Variants in ARPC2 observed in about 807,000 individuals in gnomAD.
ARPC2 encodes actin-related protein 2/3 complex subunit 2.
A neutral mutation model predicts 38.6 loss-of-function variants in ARPC2; 4 were observed. The ratio of observed to expected loss-of-function variants is 0.10; its 90% CI spans 0.05 to 0.24. The LOEUF is 0.24. Among genes scored for constraint, ARPC2 ranks in the 10% least tolerant of loss-of-function variants. The pLI is 1.00. For synonymous variants in ARPC2, 125 were observed against 140.8 expected (o/e 0.89, Z 0.79); for missense variants, 229 against 387.3 (o/e 0.59, Z 3.43).
intron 2 of ARPC2, among the ~76,000 whole-genome samples, chr2:218,219,651 T>C (rs539437858): frequency 6.6e-6 from 1 of 152,234 alleles, no homozygotes; most frequent in South Asian, 2.1e-4. Context: ...CTCAGGACAT[T>C]TTTTACAAAG....
At chr2:218,228,525 C>T (rs748614169) in intron 3 of ARPC2, among the ~76,000 whole-genome samples, 5 of 152,136 alleles carry the variant, frequency 3.3e-5, no homozygotes, top group African/African-American at 4.8e-5. Context: ...GAAAGAATAG[C>T]TTTGTAATTT....
At chr2:218,233,506 G>GT (rs1689691539) in intron 4 of ARPC2, 1 of 151,862 alleles carries the variant, frequency 6.6e-6, no homozygotes, top group Non-Finnish European at 1.5e-5. Flanking sequence ...GTAGGTTCTG[G>GT]TTTGGGGGGA....
chr2:218,231,435 A>T (rs535676504), intron 4 of ARPC2, among the ~76,000 whole-genome samples: 12 of 152,236 alleles, frequency 7.9e-5, no homozygotes, highest in Non-Finnish European at 1.5e-4. Context: ...AGGGATTTAA[A>T]CTAAATCCCC....
intron 5 of ARPC2, 65 bp downstream of exon 5, chr2:218,234,462 T>A: frequency 8.0e-7 from 1 of 1,242,872 alleles, no homozygotes; most frequent in South Asian, 1.3e-5. Flanking sequence ...TATATTATGC[T>A]TTTTTTACCC....
chr2:218,246,542 GAA>G (rs1171127124), intron 8 of ARPC2, among the ~76,000 whole-genome samples: 1 of 151,892 alleles, frequency 6.6e-6, no homozygotes, highest in Non-Finnish European at 1.5e-5. Flanking sequence ...AAAGAAAAAA[GAA>G]AAGAGTAAAG....
chr2:218,236,775 A>G (rs1689782925), intron 5 of ARPC2: 1 of 146,108 alleles, frequency 6.8e-6, no homozygotes, highest in Non-Finnish European at 1.5e-5. Flanking sequence ...CTGGGCAATA[A>G]GAGTAAAACT....
intron 2 of ARPC2, among the ~76,000 whole-genome samples, chr2:218,218,826 A>G (rs942181942): frequency 7.2e-5 from 11 of 152,212 alleles, no homozygotes; most frequent in African/African-American, 2.2e-4. Flanking sequence ...ACAAAGCACT[A>G]CTTTCCTTGA....
At chr2:218,238,609 T>A in intron 5 of ARPC2, 55 bp from the exon 6 acceptor site, 1 of 916,160 alleles carries the variant, frequency 1.1e-6, no homozygotes, top group Non-Finnish European at 1.6e-6. Context: ...TTTTTTTTTT[T>A]TTTAAATGTA....
intron 7 of ARPC2, among the ~76,000 whole-genome samples, chr2:218,239,737 G>A (rs1292738587): frequency 1.3e-5 from 2 of 151,834 alleles, no homozygotes; most frequent in Non-Finnish European, 2.9e-5. Flanking sequence ...GGGATTGTAG[G>A]CATGCACCAC....
chr2:218,240,450 T>C (rs1490161986), intron 7 of ARPC2, among the ~76,000 whole-genome samples: 1 of 152,178 alleles, frequency 6.6e-6, no homozygotes, highest in African/African-American at 2.4e-5. Flanking sequence ...CTTGGTTTGG[T>C]CCTAAGGTCT....
chr2:218,242,491 G>T (rs1337384567), intron 7 of ARPC2, among the ~76,000 whole-genome samples: 1 of 152,210 alleles, frequency 6.6e-6, no homozygotes, highest in Non-Finnish European at 1.5e-5. Flanking sequence ...CTTTCTGCCT[G>T]TTTGCATGTG....
chr2:218,230,262 G>A (rs1041262950), intron 4 of ARPC2, among the ~76,000 whole-genome samples: 14 of 147,686 alleles, frequency 9.5e-5, no homozygotes, highest in African/African-American at 1.5e-4. Flanking sequence ...GTGAGCCACC[G>A]TGCCCAGCCT....
intron 4 of ARPC2, chr2:218,233,180 A>G (rs1348378349): frequency 6.6e-6 from 1 of 151,942 alleles, no homozygotes; most frequent in Non-Finnish European, 1.5e-5. Context: ...TAATAATCGT[A>G]AATTTTGGCT....
At chr2:218,241,250 A>G (rs1438472620) in intron 7 of ARPC2, among the ~76,000 whole-genome samples, 1 of 152,220 alleles carries the variant, frequency 6.6e-6, no homozygotes, top group African/African-American at 2.4e-5. Context: ...GGCTAGGAAA[A>G]TCTTCAAAAG....
intron 8 of ARPC2, among the ~76,000 whole-genome samples, chr2:218,245,989 G>A (rs1445854666): frequency 6.6e-6 from 1 of 152,060 alleles, no homozygotes; most frequent in Non-Finnish European, 1.5e-5. Context: ...GTTAAGGCAG[G>A]TGGATCACGA....
At chr2:218,238,039 A>G (rs554957421) in intron 5 of ARPC2, among the ~76,000 whole-genome samples, 3 of 152,332 alleles carry the variant, frequency 2.0e-5, no homozygotes, top group East Asian at 1.9e-4. Flanking sequence ...GCAGACTTCA[A>G]AGGTGGTTAT....
intron 2 of ARPC2, among the ~76,000 whole-genome samples, chr2:218,223,635 G>A (rs1425147560): frequency 2.0e-5 from 3 of 152,192 alleles, no homozygotes; most frequent in Admixed American, 6.5e-5. Context: ...GGAGGTAGAT[G>A]TTTTGTCCCC....
intron 2 of ARPC2, 142 bp from the exon 3 acceptor site, chr2:218,225,778 A>G: frequency 1.5e-6 from 1 of 677,728 alleles, no homozygotes. Context: ...GAGAAAATGA[A>G]TTGTGTACTC....
At chr2:218,236,012 C>A (rs1689759640) in intron 5 of ARPC2, 1 of 151,530 alleles carries the variant, frequency 6.6e-6, no homozygotes, top group African/African-American at 2.4e-5. Context: ...ATCGCTTGAA[C>A]CCAGGAGGCA....
Sources: allele counts gnomAD v4.1 joint callset (sites outside exome capture counted in the v4.1 genomes callset), GRCh38; gene constraint gnomAD v4.1.1; transcripts MANE v1.5; gene names NCBI Gene and HGNC (gene_info 2026-07-23, HGNC 2026-07-21).